NTHL1: variants seen among roughly 807,000 people sequenced by gnomAD.
NTHL1 encodes the protein nth like DNA glycosylase 1, also known as endonuclease III-like protein 1.
NTHL1 carries 32 observed loss-of-function variants against 32.3 expected under a neutral mutation model. That is an observed-to-expected ratio of 0.99 (90% CI 0.75 to 1.33). The LOEUF (loss-of-function observed/expected upper bound fraction) is 1.33. Ranked by LOEUF, NTHL1 falls within the 40% of genes most tolerant of loss-of-function variation. The pLI is 0.00. For synonymous variants in NTHL1, 188 were observed against 176.9 expected (o/e 1.06, Z -0.50); for missense variants, 501 against 414.1 (o/e 1.21, Z -1.82).
Position 2,044,725 on chromosome 16 carries a change from G to T in NTHL1, c.430C>A (p.Gln144Lys), listed in dbSNP as rs776464671. 1 of 1,611,792 alleles carries T rather than the reference G, an allele frequency of 6.2e-7. No individual in the cohort carries two copies. Among genetic ancestry groups the T allele is most frequent in the East Asian group, 2.2e-5 (1 of 44,852 alleles). The change falls in exon 3 of 6, where the codon CAG (glutamine) becomes AAG (lysine). Residue 144 changes from glutamine to lysine, a missense_variant. Coordinates refer to ENST00000651570, the MANE Select transcript of NTHL1 (RefSeq NM_002528.7). This position sits in a 1 kb window ranked among gnomAD's most constrained non-coding sequence, Gnocchi z 5.0. Reference protein sequence around the residue: ...TKDQVTAGAMQRLRARGLTVD... With the variant: ...TKDQVTAGAMKRLRARGLTVD... ...GTCAGGCCCCGCGCCCGCAGTCGCT[G>T]CATGGCGCCCGCCGTCACCTGGTCT... is the stretch of plus-strand genomic sequence containing the variant.
chr16:2,046,403 A>C (rs3211968), intron 1 of NTHL1, 37 bp from the exon 2 acceptor site: 3 of 1,583,568 alleles, frequency 1.9e-6, no homozygotes, highest in East Asian at 2.2e-5. Context: ...TGGTGGGGCC[A>C]CAGGTGAAGG....
chr16:2,045,073 G>A (rs1284173804), intron 2 of NTHL1, among the ~76,000 whole-genome samples: 1 of 152,100 alleles, frequency 6.6e-6, no homozygotes, highest in Non-Finnish European at 1.5e-5. Context: ...GTGGTGGCTC[G>A]CACCCGTCAT....
rs1438462968 is a variant in NTHL1 at position 2,047,694 on chromosome 16, A to G, written c.115+15T>C. On this transcript the variant is annotated intron_variant, in intron 1 of 5. Coordinates refer to ENST00000651570, the MANE Select transcript of NTHL1 (RefSeq NM_002528.7). Reference sequence around the variant, plus strand: ...TCCCGCCTCCTCCCACGCTCCAGCCACGGCGCGGCGCTACCTGCTGCAGCC... The same window carrying G: ...TCCCGCCTCCTCCCACGCTCCAGCCGCGGCGCGGCGCTACCTGCTGCAGCC... The G allele has an allele frequency of 4.5e-6, 7 of 1,568,848 alleles. No individual in the cohort carries two copies. Among genetic ancestry groups the G allele is most frequent in the Non-Finnish European group, 6.0e-6 (7 of 1,165,092 alleles).
chr16:2,043,875 A>C lies in NTHL1; in HGVS notation c.526-149T>G. 1 of 922,644 alleles carries C rather than the reference A, an allele frequency of 1.1e-6. No homozygotes were observed. 57.2% of individuals were successfully genotyped at this position (922,644 alleles called of 1,614,324 possible). ...CAGCCCCCGCCCCCCAGGAGGCGGG[A>C]ACAAGCGGAGGGCAGCAGGGAGGCC... On this transcript the variant is annotated intron_variant, in intron 3 of 5. Coordinates refer to ENST00000651570, the MANE Select transcript of NTHL1 (RefSeq NM_002528.7). This position sits in a 1 kb window ranked among gnomAD's most constrained non-coding sequence, Gnocchi z 4.4.
chr16:2,046,124 C>T lies in NTHL1; in HGVS notation c.354+4G>A. On this transcript the variant is annotated splice_donor_region_variant and intron_variant, in intron 2 of 5. Transcript: ENST00000651570. ...TCATCTGGGCAGATGGGGCCCCTGC[C>T]TACCTTTGGGGGGGCACTGGAGTCA... 1.2e-6 allele frequency: 2 copies of T among 1,611,224 alleles called. No individual in the cohort carries two copies. Among genetic ancestry groups the T allele is most frequent in the Non-Finnish European group, 1.7e-6 (2 of 1,178,416 alleles).
Position 2,047,812 on chromosome 16 carries a change from C to T in NTHL1, c.12G>A (p.Leu4=). MTA[L]SARMLTRSRS... is the part of the protein sequence containing the mutation. ...GGCTCCGGGTCAGCATCCTCGCGCT[C>T]AAGGCGGTCATGCCGGACTCCTGCG... Residue 4 remains leucine, a synonymous_variant, in exon 1 of 6, where the codon TTG becomes TTA. Transcript: ENST00000651570. 6.3e-7 allele frequency: 1 copy of T among 1,593,222 alleles called. No individual in the cohort carries two copies.
At chr16:2,047,608 C>A (rs2084503465) in intron 1 of NTHL1, 101 bp downstream of exon 1, 7 of 1,460,882 alleles carry the variant, frequency 4.8e-6, no homozygotes, top group Middle Eastern at 4.9e-4. Flanking sequence ...GGGTTTGCAG[C>A]CCCTGCCCGC....
intron 2 of NTHL1, among the ~76,000 whole-genome samples, chr16:2,045,095 G>A (rs1282675597): frequency 1.3e-5 from 2 of 152,194 alleles, no homozygotes; most frequent in African/African-American, 4.8e-5. Context: ...CCAGCACTTC[G>A]GGAGGCCAAG....
Position 2,047,784 on chromosome 16 carries a change from T to C in NTHL1, c.40A>G (p.Ser14Gly), listed in dbSNP as rs1596228177. Residue 14 changes from serine to glycine, a missense_variant, in exon 1 of 6, where the codon AGC becomes GGC. Physicochemically the swap from Ser to Gly is moderately conservative, Grantham distance 56. Transcript: ENST00000651570. The stretch of plus-strand genomic sequence containing the variant: ...CGCGGCCCAGCCCCGGGTCCCAGGC[T>C]CCGGCTCCGGGTCAGCATCCTCGCG... ...LSARMLTRSR[S>G]LGPGAGPRGC... 1.3e-6 allele frequency: 2 copies of C among 1,589,450 alleles called. No homozygotes were observed. The highest frequency in any genetic ancestry group is 4.5e-5 in the East Asian group (2 of 43,958).
Position 2,044,256 on chromosome 16 carries a change from G to A in NTHL1, c.525+374C>T, listed in dbSNP as rs1295836068. ...CCACCACCATCCAGTGCTCGGCGGG[G>A]TTGGGGAGCAGCCTCCCCAGGGCTC... On this transcript the variant is annotated intron_variant, in intron 3 of 5. Transcript: ENST00000651570. This position sits in a 1 kb window ranked among gnomAD's most constrained non-coding sequence, Gnocchi z 5.0. 6.6e-6 allele frequency among the ~76,000 whole-genome samples: 1 copy of A among 152,236 alleles called. No homozygotes were observed. The highest frequency in any genetic ancestry group is 1.5e-5 in the Non-Finnish European group (1 of 68,038).
At chr16:2,045,372 C>T (rs540346720) in intron 2 of NTHL1, among the ~76,000 whole-genome samples, 1 of 152,268 alleles carries the variant, frequency 6.6e-6, no homozygotes, top group Non-Finnish European at 1.5e-5. Flanking sequence ...TCTGGCCCAT[C>T]ACTACTGAAC....
chr16:2,043,257 C>G lies in NTHL1; in HGVS notation c.685+310G>C, dbSNP rs2084293734. Among the ~76,000 whole-genome samples, 1 of 151,874 alleles carries G rather than the reference C, an allele frequency of 6.6e-6. No individual in the cohort carries two copies. The highest frequency in any genetic ancestry group is 2.4e-5 in the African/African-American group (1 of 41,374). On this transcript the variant is annotated intron_variant, in intron 4 of 5. Transcript: ENST00000651570. The surrounding 1 kb of genome is among the most constrained non-coding windows in gnomAD (Gnocchi z 4.4). ...AGGCCCCAAGAGCACCCTGCACAAC[C>G]ATCAGGGTTTCCACTCCACGAGTGG...
rs553147668 is a variant in NTHL1 at position 2,043,144 on chromosome 16, C to T, written c.685+423G>A. On this transcript the variant is annotated intron_variant, in intron 4 of 5. Transcript: ENST00000651570. The surrounding 1 kb of genome is among the most constrained non-coding windows in gnomAD (Gnocchi z 4.4). ...CCTTCTGCTGGGAACACACTTCCTC[C>T]TCTTGGCCTGGCTCACCCCACCTTG... is the stretch of plus-strand genomic sequence containing the variant. 2.0e-5 allele frequency among the ~76,000 whole-genome samples: 3 copies of T among 151,458 alleles called. No individual in the cohort carries two copies. The South Asian group carries it at 6.3e-4, about 32-fold the overall frequency.
rs1596227883 is a variant in NTHL1 at position 2,047,743 on chromosome 16, C to A, written c.81G>T (p.Glu27Asp). ...CCTCTCTTCTCCGGAGAGGCCCGGG[C>A]TCCTCCCTACACCCCCGCGGCCCAG... is the stretch of plus-strand genomic sequence containing the variant. ...PGAGPRGCRE[E>D]PGPLRRREAA... is the part of the protein sequence containing the mutation. Residue 27 changes from glutamate (E) to aspartate (D), a missense_variant, in exon 1 of 6, where the codon GAG becomes GAT. Physicochemically the swap from Glu to Asp is conservative, Grantham distance 45 (BLOSUM62 2). Coordinates refer to ENST00000651570, the MANE Select transcript of NTHL1 (RefSeq NM_002528.7). 3.8e-6 allele frequency: 6 copies of A among 1,585,758 alleles called. No individual in the cohort carries two copies. The highest frequency in any genetic ancestry group is 5.1e-6 in the Non-Finnish European group (6 of 1,172,110).
Position 2,043,882 on chromosome 16 carries a change from G to A in NTHL1, c.526-156C>T, listed in dbSNP as rs937725544. On this transcript the variant is annotated intron_variant, in intron 3 of 5. Coordinates refer to ENST00000651570, the MANE Select transcript of NTHL1 (RefSeq NM_002528.7). The surrounding 1 kb of genome is among the most constrained non-coding windows in gnomAD (Gnocchi z 4.4). ...CGCCCCCCAGGAGGCGGGAACAAGCGGAGGGCAGCAGGGAGGCCCAAGGTA... is the reference window on the plus strand; with the variant it reads ...CGCCCCCCAGGAGGCGGGAACAAGCAGAGGGCAGCAGGGAGGCCCAAGGTA... The A allele has an allele frequency of 2.9e-5, 25 of 854,820 alleles. No individual in the cohort carries two copies. Among genetic ancestry groups the A allele is most frequent in the African/African-American group, 1.3e-4 (8 of 60,126 alleles). The allele number at this position is 854,820 out of a possible 1,614,324, so 53.0% of individuals were successfully genotyped here.
chr16:2,040,214 A>AT lies in NTHL1; in HGVS notation c.709dup (p.Ile237AsnfsTer28), dbSNP rs2150938411. Reference sequence around the variant, plus strand: ...CTTGGTCCACCTCAGCCTGTTGGCGATTCTGTGCACATGCGTGTCCACTGC... The same window carrying AT: ...CTTGGTCCACCTCAGCCTGTTGGCGATTTCTGTGCACATGCGTGTCCACTGC... On this transcript the variant is annotated frameshift_variant, in exon 5 of 6. Coordinates refer to ENST00000651570, the MANE Select transcript of NTHL1 (RefSeq NM_002528.7). LOFTEE classifies it high-confidence loss of function. The AT allele has an allele frequency of 1.9e-6, 3 of 1,613,770 alleles. No homozygotes were observed. Among genetic ancestry groups the AT allele is most frequent in the Non-Finnish European group, 2.5e-6 (3 of 1,180,008 alleles).
intron 1 of NTHL1, 24 bp from the exon 2 acceptor site, chr16:2,046,390 C>A (rs1348014364): frequency 1.9e-6 from 3 of 1,594,840 alleles, no homozygotes; most frequent in Non-Finnish European, 2.6e-6. Flanking sequence ...CACGCAGTCC[C>A]TCTGGTGGGG....
At chr16:2,040,769 G>T (rs545059457) in intron 4 of NTHL1, among the ~76,000 whole-genome samples, 27 of 152,290 alleles carry the variant, frequency 1.8e-4, no homozygotes, top group African/African-American at 6.3e-4. Context: ...CAGGAACGTG[G>T]CCCTGTCCCC....
chr16:2,039,969 G>A lies in NTHL1; in HGVS notation c.870C>T (p.His290=), dbSNP rs751057369. The A allele has an allele frequency of 4.5e-5, 72 of 1,608,298 alleles. No homozygotes were observed. The highest frequency in any genetic ancestry group is 4.8e-5 in the Non-Finnish European group (57 of 1,179,950). ...GGCAGAGGGCTTGGTTGAGGCAGGC[G>A]TGGCAGCGAGGGTGCACAGGCAGAC... ...QTCLPVHPRC[H]ACLNQALCPA... is the part of the protein sequence containing the mutation. The change falls in exon 6 of 6, where the codon CAC becomes CAT. Residue 290 remains histidine (H), a synonymous_variant. Transcript: ENST00000651570.
Sources: allele counts gnomAD v4.1 joint callset (sites outside exome capture counted in the v4.1 genomes callset), GRCh38; gene constraint gnomAD v4.1.1; non-coding constraint Gnocchi (gnomAD v3.1); transcripts MANE v1.5; gene names NCBI Gene and HGNC (gene_info 2026-07-23, HGNC 2026-07-21).